FCHSD2: variants seen among roughly 807,000 people sequenced by gnomAD.
FCHSD2 encodes FCH and double SH3 domains 2, also known as F-BAR and double SH3 domains protein 2.
FCHSD2 carries 38 observed loss-of-function variants against 108.1 expected under a neutral mutation model. That is an observed-to-expected ratio of 0.35 (90% confidence interval 0.27 to 0.46). The LOEUF is 0.46. Among genes scored for constraint, FCHSD2 ranks in the 20% least tolerant of loss-of-function variants. The pLI is 1.00. For missense variants in FCHSD2, 751 were observed against 897.8 expected (o/e 0.84, Z 2.09); for synonymous variants, 279 against 314.7 (o/e 0.89, Z 1.20).
intron 10 of FCHSD2, 99 bp downstream of exon 10, chr11:72,902,444 A>C: frequency 1.4e-6 from 1 of 696,012 alleles, no homozygotes; most frequent in East Asian, 2.8e-5. Context: ...TTGATGAGAT[A>C]TACTCAGCTT....
intron 8 of FCHSD2, among the ~76,000 whole-genome samples, chr11:72,931,223 T>C (rs34688695): frequency 1.3e-5 from 2 of 149,020 alleles, no homozygotes; most frequent in Non-Finnish European, 3.0e-5. Context: ...GCCTCCTGAA[T>C]AGCTGGGATT....
intron 13 of FCHSD2, among the ~76,000 whole-genome samples, chr11:72,851,493 C>T (rs1861286701): frequency 6.6e-6 from 1 of 152,144 alleles, no homozygotes; most frequent in African/African-American, 2.4e-5. Context: ...GTAATCCCAG[C>T]ACTTTGGGAG....
chr11:72,956,824 GAAA>G (rs57304246), intron 8 of FCHSD2, among the ~76,000 whole-genome samples: 6 of 143,586 alleles, frequency 4.2e-5, no homozygotes, highest in African/African-American at 1.0e-4. Context: ...TTTCATAGTG[GAAA>G]AAAAAAAAAA....
At chr11:73,071,901 C>G (rs1395419661) in intron 3 of FCHSD2, among the ~76,000 whole-genome samples, 5 of 151,998 alleles carry the variant, frequency 3.3e-5, no homozygotes, top group Non-Finnish European at 7.4e-5. Flanking sequence ...GACACATGAT[C>G]TTAATATATG....
chr11:72,963,134 T>A (rs1856846747), intron 8 of FCHSD2, among the ~76,000 whole-genome samples: 1 of 152,194 alleles, frequency 6.6e-6, no homozygotes, highest in South Asian at 2.1e-4. Context: ...GTACTTTACG[T>A]GTGTTTTTAA....
intron 2 of FCHSD2, among the ~76,000 whole-genome samples, chr11:73,134,074 A>T (rs7117786): frequency 0.022 from 3,294 of 151,892 alleles, 77 homozygotes; most frequent in African/African-American, 0.058. Context: ...CTTACATGAT[A>T]TGTACATTGT....
At chr11:72,881,493 A>C (rs2135234011) in intron 12 of FCHSD2, among the ~76,000 whole-genome samples, 1 of 152,328 alleles carries the variant, frequency 6.6e-6, no homozygotes, top group Non-Finnish European at 1.5e-5. Flanking sequence ...TTCTCAAAAG[A>C]CTAAAAATAG....
chr11:72,974,159 A>T (rs1490738406), intron 8 of FCHSD2, among the ~76,000 whole-genome samples: 1 of 151,914 alleles, frequency 6.6e-6, no homozygotes, highest in East Asian at 1.9e-4. Context: ...TAAACAACAG[A>T]CGTTTATTTG....
At chr11:72,905,225 G>A (rs1205417056) in intron 9 of FCHSD2, among the ~76,000 whole-genome samples, 4 of 151,938 alleles carry the variant, frequency 2.6e-5, no homozygotes, top group East Asian at 1.9e-4. Context: ...GTATCTTCAC[G>A]TGATCTTCTC....
At chr11:72,908,383 T>G (rs1037973152) in intron 9 of FCHSD2, among the ~76,000 whole-genome samples, 1 of 152,224 alleles carries the variant, frequency 6.6e-6, no homozygotes, top group Admixed American at 6.5e-5. Context: ...TTTCCTTTCT[T>G]TTGGGTGTAT....
chr11:73,137,724 C>T (rs1234004607), intron 2 of FCHSD2, among the ~76,000 whole-genome samples: 2 of 152,144 alleles, frequency 1.3e-5, no homozygotes, highest in Non-Finnish European at 2.9e-5. Context: ...AGGGTACCAA[C>T]AGGCAAAGAC....
intron 18 of FCHSD2, 38 bp downstream of exon 18, chr11:72,841,416 G>A (rs368736333): frequency 3.3e-5 from 52 of 1,559,246 alleles, no homozygotes; most frequent in South Asian, 2.4e-4. Flanking sequence ...TTTCTGAAGT[G>A]AAAATGCATT....
At chr11:72,852,967 C>A (rs1430339823) in intron 13 of FCHSD2, among the ~76,000 whole-genome samples, 1 of 151,974 alleles carries the variant, frequency 6.6e-6, no homozygotes, top group Non-Finnish European at 1.5e-5. Context: ...AAGAGGGGAA[C>A]AACAGACACT....
intron 4 of FCHSD2, among the ~76,000 whole-genome samples, chr11:73,012,830 A>C (rs539210139): frequency 6.6e-6 from 1 of 152,340 alleles, no homozygotes; most frequent in East Asian, 1.9e-4. Context: ...CTCAGAACAA[A>C]TTTGACAAAC....
intron 8 of FCHSD2, among the ~76,000 whole-genome samples, chr11:72,932,000 A>G (rs1856203470): frequency 6.6e-6 from 1 of 152,228 alleles, no homozygotes; most frequent in East Asian, 1.9e-4. Context: ...CTGTGCATCA[A>G]ATTGCCTCTT....
At chr11:72,838,973 A>G in intron 19 of FCHSD2, 99 bp from the exon 20 acceptor site, 1 of 992,844 alleles carries the variant, frequency 1.0e-6, no homozygotes, top group Non-Finnish European at 1.5e-6. Context: ...GGACATGGGC[A>G]CCCTAGGGGT....
chr11:73,134,546 C>G (rs77363202), intron 2 of FCHSD2, among the ~76,000 whole-genome samples: 3,351 of 152,132 alleles, frequency 0.022, 117 homozygotes, highest in African/African-American at 0.077. Flanking sequence ...ATCTACAGTT[C>G]AGAGAAAGTA....
chr11:72,961,139 T>C (rs1403880668), intron 8 of FCHSD2, among the ~76,000 whole-genome samples: 1 of 152,190 alleles, frequency 6.6e-6, no homozygotes, highest in African/African-American at 2.4e-5. Context: ...TTTTAAAATG[T>C]GGTATCTGCC....
intron 2 of FCHSD2, among the ~76,000 whole-genome samples, chr11:73,124,648 C>A (rs1432391897): frequency 1.3e-5 from 2 of 151,908 alleles, no homozygotes; most frequent in African/African-American, 4.8e-5. Context: ...CCCAGCTACT[C>A]AGGAGGCTGA....
Sources: gnomAD v4.1 joint callset for allele counts (sites outside exome capture counted in the v4.1 genomes callset) on GRCh38, gnomAD v4.1.1 for gene constraint, MANE v1.5 for transcripts, NCBI Gene and HGNC (gene_info 2026-07-23, HGNC 2026-07-21) for gene names.